Variants in TRPM2 observed in about 807,000 individuals in gnomAD.
TRPM2 encodes transient receptor potential cation channel subfamily M member 2.
TRPM2 carries 161 observed loss-of-function variants against 174.0 expected under a neutral mutation model. That is an observed-to-expected ratio of 0.93 (90% CI 0.81 to 1.05). The LOEUF (loss-of-function observed/expected upper bound fraction) is 1.05. TRPM2 is among the 50% of genes least tolerant of loss of function. The pLI is 0.00. For synonymous variants in TRPM2, 954 were observed against 861.3 expected (o/e 1.11, Z -1.88); for missense variants, 2,057 against 2,038.0 (o/e 1.01, Z -0.18).
intron 24 of TRPM2, 83 bp downstream of exon 24, chr21:44,425,022 G>A: frequency 8.1e-7 from 1 of 1,230,164 alleles, no homozygotes; most frequent in Admixed American, 2.1e-5. Flanking sequence ...AGAGGCAGCT[G>A]GGGGTGGGGG....
At position 44,399,518 on chromosome 21, in the gene TRPM2, G is replaced by A. The variant is rs1385989921; in HGVS notation, c.2208+77G>A. The A allele has an allele frequency of 3.3e-6, 5 of 1,524,572 alleles. No individual in the cohort carries two copies. The African/African-American group carries it at 6.9e-5, about 21-fold the overall frequency. 94.4% of individuals were successfully genotyped at this position (1,524,572 alleles called of 1,614,324 possible). A position where few individuals can be genotyped will look rare whatever the true frequency, so the allele number is the denominator to read the frequency against. ...GCGGACACAGCCTCCTGTTCGTGCA[G>A]TTGGCACGCACACTCACACAGGCTT... is the stretch of plus-strand genomic sequence containing the variant. On this transcript the variant is annotated intron_variant, in intron 14 of 31. Transcript: ENST00000397928. This position sits in a 1 kb window ranked among gnomAD's most constrained non-coding sequence, Gnocchi z 4.6.
intron 5 of TRPM2, among the ~76,000 whole-genome samples, 167 bp downstream of exon 5, chr21:44,369,510 C>G (rs57984901): frequency 8.2e-4 from 49 of 60,042 alleles, no homozygotes; most frequent in African/African-American, 2.1e-3. Flanking sequence ...GTGTGGGTGA[C>G]GTCTGACCGG....
chr21:44,389,008 G>A lies in TRPM2; in HGVS notation c.1319-1896G>A, dbSNP rs1047365693. Among the ~76,000 whole-genome samples the A allele has an allele frequency of 2.6e-5, 4 of 152,112 alleles. No homozygotes were observed. In the South Asian group the frequency reaches 6.2e-4, roughly 24 times the overall value. ...GTACTGTATAACAAGCACAGACACC[G>A]TGACCCACCACAGTCTCCATACAGG... On this transcript the variant is annotated intron_variant, in intron 9 of 31. Coordinates refer to ENST00000397928, the MANE Select transcript of TRPM2 (RefSeq NM_003307.4).
At chr21:44,435,037 CT>C in intron 27 of TRPM2, 93 bp from the exon 28 acceptor site, 3 of 1,278,944 alleles carry the variant, frequency 2.3e-6, no homozygotes, top group Non-Finnish European at 3.4e-6. Flanking sequence ...GCGCCGGCTC[CT>C]GACGCCCGCT....
chr21:44,406,478 A>G, intron 18 of TRPM2, 116 bp from the exon 19 acceptor site: 3 of 1,289,330 alleles, frequency 2.3e-6, no homozygotes, highest in African/African-American at 1.5e-5. Context: ...AGCCTCCTGC[A>G]TGCCGTGTCT....
rs763623136 is a variant in TRPM2 at position 44,424,913 on chromosome 21, G to C, written c.3611G>C (p.Ser1204Thr). 1 of 1,607,218 alleles carries C rather than the reference G, an allele frequency of 6.2e-7. No individual in the cohort carries two copies. The change falls in exon 24 of 32, where the codon AGC (serine) becomes ACC (threonine). Residue 1204 changes from serine to threonine, a missense_variant. Physicochemically the swap from Ser to Thr is moderately conservative, Grantham distance 58. Coordinates refer to ENST00000397928, the MANE Select transcript of TRPM2 (RefSeq NM_003307.4). ...IVRTLRASGF[S>T]SEADVPTLAS... ...AGGACGCTGCGGGCCAGCGGCTTCA[G>C]CTCGGAGGCGGACGTCCCCACTCTG...
At chr21:44,422,557 G>C in intron 22 of TRPM2, 1 of 1,197,886 alleles carries the variant, frequency 8.3e-7, no homozygotes, top group Non-Finnish European at 1.1e-6. Flanking sequence ...GAAAGTTTCT[G>C]TGTTACTAAA....
At chr21:44,401,478 CGGT>C (rs1208367083) in intron 15 of TRPM2, among the ~76,000 whole-genome samples, 200 bp from the exon 16 acceptor site, 13 of 152,086 alleles carry the variant, frequency 8.5e-5, no homozygotes, top group Admixed American at 8.5e-4. Context: ...AGCCCCACCC[CGGT>C]GGCTGTGTGT....
intron 8 of TRPM2, among the ~76,000 whole-genome samples, chr21:44,379,646 G>A (rs2146205322): frequency 6.6e-6 from 1 of 152,340 alleles, no homozygotes; most frequent in Non-Finnish European, 1.5e-5. Flanking sequence ...AGGGGCCATT[G>A]CCCCAGTCCA....
At position 44,439,568 on chromosome 21, in the gene TRPM2, C is replaced by G. The variant is rs563801472; in HGVS notation, c.4269+400C>G. ...CCAGCCCCTCCCTCAGACCTCGCCC[C>G]GACTCCCAAGCTCTGGAGGGGCCCT... On this transcript the variant is annotated intron_variant, in intron 30 of 31. Transcript: ENST00000397928. The surrounding 1 kb of genome is among the most constrained non-coding windows in gnomAD (Gnocchi z 5.1). Among the ~76,000 whole-genome samples, 1 of 152,158 alleles carries G rather than the reference C, an allele frequency of 6.6e-6. No individual in the cohort carries two copies. The highest frequency in any genetic ancestry group is 1.5e-5 in the Non-Finnish European group (1 of 68,028).
At chr21:44,404,053 A>G (rs1192597996) in intron 16 of TRPM2, among the ~76,000 whole-genome samples, 2 of 152,122 alleles carry the variant, frequency 1.3e-5, no homozygotes, top group African/African-American at 4.8e-5. Context: ...ATATACACAT[A>G]TACATACATA....
chr21:44,381,249 A>C (rs1886264840), intron 8 of TRPM2, among the ~76,000 whole-genome samples: 1 of 151,912 alleles, frequency 6.6e-6, no homozygotes. Flanking sequence ...CAGAGGGAGA[A>C]GGCTGAGGCT....
intron 27 of TRPM2, among the ~76,000 whole-genome samples, chr21:44,430,955 A>G (rs2050998453): frequency 7.9e-6 from 1 of 126,370 alleles, no homozygotes; most frequent in South Asian, 2.6e-4. Context: ...TTTATTATGT[A>G]TTTCTCTTCT....
Position 44,354,285 on chromosome 21 carries a change from G to T in TRPM2, c.166-363G>T, listed in dbSNP as rs930347849. Reference sequence around the variant, plus strand: ...ATCTTGCAGTCCCCTTGCCAGGCAGGCAGGAGGGTGGCTGCCCTTTTTCCG... The same window carrying T: ...ATCTTGCAGTCCCCTTGCCAGGCAGTCAGGAGGGTGGCTGCCCTTTTTCCG... On this transcript the variant is annotated intron_variant, in intron 1 of 31. Transcript: ENST00000397928. This position sits in a 1 kb window ranked among gnomAD's most constrained non-coding sequence, Gnocchi z 4.3. 2.0e-5 allele frequency among the ~76,000 whole-genome samples: 3 copies of T among 152,194 alleles called. No homozygotes were observed. Among genetic ancestry groups the T allele is most frequent in the Admixed American group, 2.0e-4 (3 of 15,278 alleles).
At position 44,435,822 on chromosome 21, in the gene TRPM2, C is replaced by T. The variant is rs567005861; in HGVS notation, c.4061+605C>T. Among the ~76,000 whole-genome samples, 11 of 143,146 alleles carry T rather than the reference C, an allele frequency of 7.7e-5. No individual in the cohort carries two copies. The East Asian group carries it at 1.3e-3, about 17-fold the overall frequency. The allele number at this position is 143,146 out of a possible 152,430, so 93.9% of individuals were successfully genotyped here. ...CAGACTCACTCTCCACACCCATCCACGGGGACACAGCCCCACACTCACCCC... is the reference window on the plus strand; with the variant it reads ...CAGACTCACTCTCCACACCCATCCATGGGGACACAGCCCCACACTCACCCC... On this transcript the variant is annotated intron_variant, in intron 28 of 31. Transcript: ENST00000397928.
intron 3 of TRPM2, 28 bp downstream of exon 3, chr21:44,364,310 C>A: frequency 6.2e-7 from 1 of 1,610,712 alleles, no homozygotes; most frequent in East Asian, 2.2e-5. Context: ...TCGCTCTGAA[C>A]TGTAGGTGGA....
At chr21:44,362,346 T>TAAAAAAAAA (rs2048234614) in intron 2 of TRPM2, among the ~76,000 whole-genome samples, 1 of 39,158 alleles carries the variant, frequency 2.6e-5, no homozygotes, top group African/African-American at 2.2e-4. Context: ...CTACTAAAAA[T>TAAAAAAAAA]ACAAAAAAAA....
intron 19 of TRPM2, among the ~76,000 whole-genome samples, chr21:44,408,789 C>T (rs2049993039): frequency 6.6e-6 from 1 of 151,722 alleles, no homozygotes; most frequent in African/African-American, 2.4e-5. Context: ...TCCCGAGTAG[C>T]TGGGACTACA....
Position 44,425,311 on chromosome 21 carries a change from C to T in TRPM2, c.3638-359C>T, listed in dbSNP as rs768424775. The T allele has an allele frequency of 7.9e-5, 31 of 392,930 alleles. 1 individual carries two copies. Among genetic ancestry groups the T allele is most frequent in the Non-Finnish European group, 1.3e-4 (28 of 218,866 alleles). 24.3% of individuals were successfully genotyped at this position (392,930 alleles called of 1,614,324 possible). On this transcript the variant is annotated intron_variant, in intron 24 of 31. Transcript: ENST00000397928. ...AGCAAAGTCTGTTTTCCTAAATTCG[C>T]AGCCGGCTATGAAATGCACATCAGT...
Sources: gnomAD v4.1 joint callset for allele counts (sites outside exome capture counted in the v4.1 genomes callset) on GRCh38, gnomAD v4.1.1 for gene constraint, Gnocchi (gnomAD v3.1) non-coding constraint, MANE v1.5 for transcripts, NCBI Gene and HGNC (gene_info 2026-07-23, HGNC 2026-07-21) for gene names.